FRS2: variants seen among roughly 807,000 people sequenced by gnomAD.
FRS2 encodes FGFR signalling adaptor.
A neutral mutation model predicts 43.9 loss-of-function variants in FRS2; 8 were observed. The observed-to-expected ratio is 0.18, with a 90% CI of 0.11 to 0.33. The LOEUF is 0.33. Among genes scored for constraint, FRS2 ranks in the 10% least tolerant of loss-of-function variants. The pLI, the probability that FRS2 is intolerant of heterozygous loss-of-function variation, is 1.00. For missense variants in FRS2, 534 were observed against 627.6 expected (o/e 0.85, Z 1.59); for synonymous variants, 219 against 220.3 (o/e 0.99, Z 0.05).
At chr12:69,563,045 G>A (rs895212309) in intron 4 of FRS2, among the ~76,000 whole-genome samples, 3 of 152,164 alleles carry the variant, frequency 2.0e-5, no homozygotes, top group African/African-American at 7.2e-5. Context: ...GCTGTCTTGA[G>A]TGAGCATAAT....
intron 1 of FRS2, among the ~76,000 whole-genome samples, chr12:69,481,154 C>T (rs1871315652): frequency 6.6e-6 from 1 of 152,074 alleles, no homozygotes; most frequent in African/African-American, 2.4e-5. Flanking sequence ...TTTGCATACA[C>T]ACATTTATTT....
At chr12:69,532,156 T>C (rs1876863513) in intron 3 of FRS2, 100 bp downstream of exon 3, 1 of 152,296 alleles carries the variant, frequency 6.6e-6, no homozygotes, top group Non-Finnish European at 1.5e-5. Flanking sequence ...ATTTAATATC[T>C]TTTCTTTATT....
chr12:69,537,484 T>C (rs1261841419), intron 3 of FRS2, among the ~76,000 whole-genome samples: 2 of 152,216 alleles, frequency 1.3e-5, no homozygotes, highest in Non-Finnish European at 2.9e-5. Context: ...AATTCTGTTT[T>C]CTCATGATAT....
chr12:69,530,067 A>C (rs778282585), intron 1 of FRS2, among the ~76,000 whole-genome samples: 6 of 152,186 alleles, frequency 3.9e-5, no homozygotes, highest in South Asian at 4.1e-4. Context: ...AGAAAAAAAA[A>C]CAAAAACCAG....
rs1555192498 is a variant in FRS2, at chr12:69,557,619, T to TGTGTGTGTGTGTGCGC, written c.-121-4560_-121-4559insTGTGTGTGTGTGCGCG. 5.0e-3 allele frequency among the ~76,000 whole-genome samples: 592 copies of TGTGTGTGTGTGTGCGC among 118,942 alleles called. 8 individuals carry two copies. The highest frequency in any genetic ancestry group is 0.025 in the East Asian group (99 of 4,006). The allele number at this position is 118,942 out of a possible 152,430, so 78.0% of individuals were successfully genotyped here. A position where few individuals can be genotyped will look rare whatever the true frequency, so the allele number is the denominator to read the frequency against. On this transcript the variant is annotated intron_variant, in intron 3 of 8. Transcript: ENST00000549921. ...TTGTGTGTGTGTGTGTGTGTGTGTG[T>TGTGTGTGTGTGTGCGC]GCGCGCGCGCGCGCGCGCAGGTGCA... is the stretch of plus-strand genomic sequence containing the variant.
At chr12:69,504,820 A>T (rs1205648122) in intron 1 of FRS2, among the ~76,000 whole-genome samples, 2 of 152,274 alleles carry the variant, frequency 1.3e-5, no homozygotes, top group East Asian at 1.9e-4. Context: ...ACAGTTGTGC[A>T]TCTGGTGGTA....
rs1350072527 is a variant in FRS2 at position 69,577,517 on chromosome 12, T to G, written c.*2562T>G. 6.6e-6 allele frequency: 1 copy of G among 152,602 alleles called. No homozygotes were observed. The highest frequency in any genetic ancestry group is 1.5e-5 in the Non-Finnish European group (1 of 68,006). The allele number at this position is 152,602 out of a possible 1,614,324, so 9.5% of individuals were successfully genotyped here. On this transcript the variant is annotated 3_prime_UTR_variant, in exon 9 of 9. Transcript: ENST00000549921. ...TCAGATTTTCTGAGGCAGATCTAATTTTAGATAATTCTGTTGGTAGACCAT... is the reference window on the plus strand; with the variant it reads ...TCAGATTTTCTGAGGCAGATCTAATGTTAGATAATTCTGTTGGTAGACCAT...
At chr12:69,476,663 A>G (rs1421679087) in intron 1 of FRS2, among the ~76,000 whole-genome samples, 3 of 150,160 alleles carry the variant, frequency 2.0e-5, no homozygotes, top group Non-Finnish European at 2.9e-5. Context: ...TATGAACATA[A>G]GTGCTTATTG....
At chr12:69,507,452 G>A (rs10878997) in intron 1 of FRS2, among the ~76,000 whole-genome samples, 12,642 of 152,002 alleles carry the variant, frequency 0.083, 1,072 homozygotes, top group East Asian at 0.37. Context: ...TTTTATAGTT[G>A]ACACATGAAA....
intron 3 of FRS2, among the ~76,000 whole-genome samples, chr12:69,559,211 C>T (rs924702608): frequency 6.6e-6 from 1 of 152,180 alleles, no homozygotes; most frequent in Non-Finnish European, 1.5e-5. Context: ...TTTAAATATA[C>T]ATAAGCATAT....
chr12:69,525,301 T>C (rs1368593500), intron 1 of FRS2, among the ~76,000 whole-genome samples: 1 of 152,188 alleles, frequency 6.6e-6, no homozygotes, highest in African/African-American at 2.4e-5. Context: ...TCATACTGTT[T>C]GTGAGTATTC....
intron 1 of FRS2, among the ~76,000 whole-genome samples, chr12:69,471,533 T>C (rs1265601705): frequency 1.3e-5 from 2 of 152,232 alleles, no homozygotes; most frequent in Non-Finnish European, 2.9e-5. Context: ...TGGGCAGAGA[T>C]GTTTTGTTTA....
At chr12:69,534,928 A>G (rs1877133637) in intron 3 of FRS2, among the ~76,000 whole-genome samples, 1 of 152,150 alleles carries the variant, frequency 6.6e-6, no homozygotes, top group African/African-American at 2.4e-5. Flanking sequence ...TTTTTAAATT[A>G]TTTATCTTGG....
chr12:69,571,039 T>C (rs576474260), intron 6 of FRS2, among the ~76,000 whole-genome samples: 95 of 152,326 alleles, frequency 6.2e-4, no homozygotes, highest in African/African-American at 1.9e-3. Context: ...GGTCTTGATT[T>C]CATTAGCTTT....
chr12:69,477,130 AC>A (rs1376150993), intron 1 of FRS2, among the ~76,000 whole-genome samples: 2 of 139,054 alleles, frequency 1.4e-5, no homozygotes, highest in Non-Finnish European at 3.4e-5. Context: ...GATGAATAGT[AC>A]CCTCAGAAGT....
At chr12:69,501,931 G>A (rs532528337) in intron 1 of FRS2, among the ~76,000 whole-genome samples, 1 of 152,062 alleles carries the variant, frequency 6.6e-6, no homozygotes. Flanking sequence ...TGAAACAACT[G>A]TATGGAGAAA....
chr12:69,555,056 C>T (rs533798527), intron 3 of FRS2, among the ~76,000 whole-genome samples: 48 of 149,190 alleles, frequency 3.2e-4, no homozygotes, highest in African/African-American at 9.6e-4. Context: ...TTTCGTTTTT[C>T]TTTTTTTTGA....
At chr12:69,550,804 G>A (rs894297608) in intron 3 of FRS2, among the ~76,000 whole-genome samples, 6 of 152,120 alleles carry the variant, frequency 3.9e-5, no homozygotes, top group Non-Finnish European at 7.4e-5. Context: ...AAAACTTTAA[G>A]GCTTCAACAT....
intron 1 of FRS2, among the ~76,000 whole-genome samples, chr12:69,509,396 C>T (rs978509278): frequency 1.3e-5 from 2 of 152,194 alleles, no homozygotes; most frequent in Non-Finnish European, 2.9e-5. Context: ...CTAAATCTTT[C>T]CAGCATGAGT....
Sources: allele counts gnomAD v4.1 joint callset (sites outside exome capture counted in the v4.1 genomes callset), GRCh38; gene constraint gnomAD v4.1.1; transcripts MANE v1.5; gene names NCBI Gene and HGNC (gene_info 2026-07-23, HGNC 2026-07-21).